PACRG: variants seen among roughly 807,000 people sequenced by gnomAD.
The protein encoded by PACRG is parkin coregulated gene protein.
In PACRG, 29 loss-of-function variants were observed where a neutral mutation model predicts 29.7. The observed-to-expected ratio is 0.98, with a 90% CI of 0.73 to 1.33. The LOEUF (loss-of-function observed/expected upper bound fraction) is 1.33. PACRG is among the 40% of genes most tolerant of loss of function. PACRG has a pLI of 0.00. For missense variants in PACRG, 279 were observed against 316.2 expected (o/e 0.88, Z 0.89); for synonymous variants, 116 against 118.7 (o/e 0.98, Z 0.15).
At chr6:163,236,933 G>A (rs1216655440) in intron 4 of PACRG, among the ~76,000 whole-genome samples, 1 of 152,084 alleles carries the variant, frequency 6.6e-6, no homozygotes, top group Admixed American at 6.5e-5. Context: ...AAAGGGGGAA[G>A]TGCTACACAC....
chr6:163,191,483 C>T, intron 4 of PACRG: 1 of 364,214 alleles, frequency 2.7e-6, no homozygotes, highest in Non-Finnish European at 5.4e-6. Flanking sequence ...GGGGAGGTCA[C>T]AGCCTCTCTG....
intron 4 of PACRG, chr6:163,310,030 T>C (rs540146171): frequency 6.6e-6 from 1 of 152,380 alleles, no homozygotes; most frequent in African/African-American, 2.4e-5. Flanking sequence ...ATTTTTCCAG[T>C]GCCTTCAATA....
At chr6:162,755,825 G>A (rs902056377) in intron 1 of PACRG, among the ~76,000 whole-genome samples, 1 of 151,840 alleles carries the variant, frequency 6.6e-6, no homozygotes, top group Non-Finnish European at 1.5e-5. Context: ...TTGGTGTGTT[G>A]TATTTCCATT....
At chr6:162,832,285 A>T (rs1379905522) in intron 2 of PACRG, among the ~76,000 whole-genome samples, 2 of 151,896 alleles carry the variant, frequency 1.3e-5, no homozygotes, top group East Asian at 3.9e-4. Flanking sequence ...AGCTTTTTTC[A>T]TGTTTCTTGG....
intron 3 of PACRG, among the ~76,000 whole-genome samples, chr6:163,077,830 C>T (rs1812684081): frequency 6.6e-6 from 1 of 152,086 alleles, no homozygotes; most frequent in African/African-American, 2.4e-5. Context: ...CCTGGTCACT[C>T]GCCAGAGGAA....
intron 4 of PACRG, among the ~76,000 whole-genome samples, chr6:163,175,733 A>C (rs1451970460): frequency 1.4e-5 from 2 of 139,450 alleles, no homozygotes; most frequent in Non-Finnish European, 3.1e-5. Context: ...AGATCTGAGC[A>C]GCACCTGTCA....
chr6:163,062,530 C>A (rs1052208092), intron 3 of PACRG, among the ~76,000 whole-genome samples: 3 of 152,142 alleles, frequency 2.0e-5, no homozygotes, highest in Admixed American at 6.5e-5. Flanking sequence ...ATAAATAAAC[C>A]AAATTCCATG....
At chr6:162,947,612 A>AT (rs1799283755) in intron 2 of PACRG, among the ~76,000 whole-genome samples, 4 of 5,912 alleles carry the variant, frequency 6.8e-4, no homozygotes, top group Admixed American at 5.0e-3. Context: ...ATATATAATC[A>AT]TATATATATA....
chr6:163,095,380 T>A, intron 4 of PACRG: 2 of 985,460 alleles, frequency 2.0e-6, no homozygotes, highest in Non-Finnish European at 2.4e-6. Flanking sequence ...TTCTGAGTTG[T>A]CTGTAACCTG....
chr6:162,829,485 A>G (rs753400268), intron 2 of PACRG, among the ~76,000 whole-genome samples: 2 of 152,208 alleles, frequency 1.3e-5, no homozygotes, highest in Non-Finnish European at 2.9e-5. Flanking sequence ...GAAGGTTGCA[A>G]TTTATTAAGT....
intron 2 of PACRG, among the ~76,000 whole-genome samples, chr6:162,939,578 ACTT>A (rs1798470849): frequency 6.6e-6 from 1 of 151,032 alleles, no homozygotes; most frequent in Non-Finnish European, 1.5e-5. Context: ...GCTCTTCTCT[ACTT>A]CTTTCATCTC....
intron 1 of PACRG, among the ~76,000 whole-genome samples, chr6:162,806,083 G>C (rs1185743939): frequency 6.6e-6 from 1 of 151,752 alleles, no homozygotes; most frequent in African/African-American, 2.4e-5. Context: ...ATGGCAGCTA[G>C]AGCCTTACAA....
chr6:162,856,814 AG>A (rs1393883144), intron 2 of PACRG, among the ~76,000 whole-genome samples: 6 of 152,208 alleles, frequency 3.9e-5, no homozygotes, highest in African/African-American at 1.4e-4. Context: ...TTTCTTCTGA[AG>A]ACACAGCACT....
chr6:163,218,418 G>T (rs1172691223), intron 4 of PACRG, among the ~76,000 whole-genome samples: 1 of 151,970 alleles, frequency 6.6e-6, no homozygotes. Flanking sequence ...CCCCTTATGG[G>T]TATTGCCTCT....
chr6:163,077,666 A>G (rs1032642117), intron 3 of PACRG, among the ~76,000 whole-genome samples: 5 of 152,228 alleles, frequency 3.3e-5, no homozygotes, highest in African/African-American at 1.2e-4. Context: ...TCTGAACGTG[A>G]TCATAATTAT....
intron 1 of PACRG, among the ~76,000 whole-genome samples, chr6:162,781,278 A>T (rs1784073223): frequency 6.6e-6 from 1 of 152,054 alleles, no homozygotes; most frequent in Non-Finnish European, 1.5e-5. Context: ...TATTCTGAAG[A>T]AATATTTTTT....
At chr6:163,135,374 A>G (rs1385011696) in intron 4 of PACRG, among the ~76,000 whole-genome samples, 1 of 152,050 alleles carries the variant, frequency 6.6e-6, no homozygotes, top group Non-Finnish European at 1.5e-5. Context: ...TTTTTAGTAG[A>G]GACGGGGTTT....
chr6:162,781,031 TAAG>T (rs2128313633), intron 1 of PACRG, among the ~76,000 whole-genome samples: 1 of 151,988 alleles, frequency 6.6e-6, no homozygotes, highest in East Asian at 1.9e-4. Flanking sequence ...CCCACAGATC[TAAG>T]AAGCTCAGTA....
At chr6:162,735,992 G>A (rs536185411) in intron 1 of PACRG, among the ~76,000 whole-genome samples, 1 of 152,284 alleles carries the variant, frequency 6.6e-6, no homozygotes, top group African/African-American at 2.4e-5. Flanking sequence ...ATAAGAGTCA[G>A]TATATTTATC....
Sources: gnomAD v4.1 joint callset for allele counts (sites outside exome capture counted in the v4.1 genomes callset) on GRCh38, gnomAD v4.1.1 for gene constraint, MANE v1.5 for transcripts, NCBI Gene and HGNC (gene_info 2026-07-23, HGNC 2026-07-21) for gene names.